CDC123: variants seen among roughly 807,000 people sequenced by gnomAD.
CDC123 encodes cell division cycle 123.
Under a neutral mutation model 54.4 loss-of-function variants are expected in CDC123, and 37 were observed. The ratio of observed to expected loss-of-function variants is 0.68; its 90% confidence interval spans 0.52 to 0.89. CDC123 has a LOEUF of 0.89. CDC123 is among the 40% of genes least tolerant of loss of function. The pLI is 0.00. For synonymous variants in CDC123, 144 were observed against 136.8 expected (o/e 1.05, Z -0.37); for missense variants, 361 against 412.1 (o/e 0.88, Z 1.07).
At position 12,238,460 on chromosome 10, in the gene CDC123, T is replaced by G; in HGVS notation, c.692T>G (p.Val231Gly). The change falls in exon 10 of 13, where the codon GTG becomes GGG. Residue 231 changes from valine (V) to glycine (G), a missense_variant. Physicochemically the swap from Val to Gly is moderately radical, Grantham distance 109. Coordinates refer to ENST00000281141, the MANE Select transcript of CDC123 (RefSeq NM_006023.3). The part of the protein sequence containing the change: ...IQYKFLDEDF[V>G]FDIYRDSRGK... ...TGACTTTTTTTCTCCTTTACAGTTG[T>G]GTTCGATATATACAGAGACAGTAGG... 1 of 1,606,564 alleles carries G rather than the reference T, an allele frequency of 6.2e-7. No individual in the cohort carries two copies. Among genetic ancestry groups the G allele is most frequent in the Non-Finnish European group, 8.5e-7 (1 of 1,177,766 alleles).
At chr10:12,203,649 A>G (rs1835474097) in intron 2 of CDC123, among the ~76,000 whole-genome samples, 1 of 152,196 alleles carries the variant, frequency 6.6e-6, no homozygotes, top group Non-Finnish European at 1.5e-5. Flanking sequence ...CATGCCTAGT[A>G]TGAGATGGGC....
chr10:12,214,368 G>A (rs1835638310), intron 4 of CDC123, among the ~76,000 whole-genome samples: 1 of 152,202 alleles, frequency 6.6e-6, no homozygotes, highest in African/African-American at 2.4e-5. Context: ...ATAAGGAAAT[G>A]CCCTCACATA....
chr10:12,223,872 T>C (rs1175409084), intron 6 of CDC123, among the ~76,000 whole-genome samples: 1 of 152,226 alleles, frequency 6.6e-6, no homozygotes, highest in African/African-American at 2.4e-5. Flanking sequence ...ATTTTTATTT[T>C]TTTATTTCAG....
At chr10:12,234,384 AT>A (rs1453230278) in intron 7 of CDC123, among the ~76,000 whole-genome samples, 3 of 152,132 alleles carry the variant, frequency 2.0e-5, no homozygotes, top group Non-Finnish European at 4.4e-5. Flanking sequence ...TGCCTGGCTC[AT>A]TTTTTTGTAC....
chr10:12,219,331 A>T (rs548904369), intron 6 of CDC123, among the ~76,000 whole-genome samples: 71 of 151,990 alleles, frequency 4.7e-4, no homozygotes, highest in Middle Eastern at 3.4e-3. Flanking sequence ...TATAGAAAAA[A>T]GTGTGTGTGT....
At chr10:12,200,119 C>CCTTTTTTTTTTTT (rs1564431631) in intron 2 of CDC123, among the ~76,000 whole-genome samples, 3 of 24,272 alleles carry the variant, frequency 1.2e-4, no homozygotes, top group African/African-American at 3.4e-4. Flanking sequence ...CCGCACTCGG[C>CCTTTTTTTTTTTT]ATTTTTTTTT....
At chr10:12,214,888 A>C (rs1337780960) in intron 4 of CDC123, among the ~76,000 whole-genome samples, 1 of 152,154 alleles carries the variant, frequency 6.6e-6, no homozygotes, top group Non-Finnish European at 1.5e-5. Flanking sequence ...ACAGGGTATA[A>C]ATGAAAATTA....
At chr10:12,239,097 G>A (rs1836019590) in intron 10 of CDC123, among the ~76,000 whole-genome samples, 1 of 152,096 alleles carries the variant, frequency 6.6e-6, no homozygotes, top group African/African-American at 2.4e-5. Context: ...CAAGGCTGCA[G>A]TGAGCCTTGA....
At chr10:12,206,837 G>T (rs890715908) in intron 2 of CDC123, among the ~76,000 whole-genome samples, 22 of 151,756 alleles carry the variant, frequency 1.4e-4, no homozygotes, top group South Asian at 8.3e-4. Flanking sequence ...CGGGCGCCTG[G>T]AGTCCCAGCT....
intron 8 of CDC123, 57 bp downstream of exon 8, chr10:12,235,180 A>C: frequency 6.9e-7 from 1 of 1,454,012 alleles, no homozygotes; most frequent in Non-Finnish European, 9.6e-7. Context: ...AAAAGAAAAC[A>C]AGCTTTTGTT....
chr10:12,226,401 C>T (rs1835815175), intron 6 of CDC123, among the ~76,000 whole-genome samples: 1 of 151,736 alleles, frequency 6.6e-6, no homozygotes, highest in Non-Finnish European at 1.5e-5. Context: ...CGGGTGGGGG[C>T]TCTCCCCCAC....
intron 10 of CDC123, among the ~76,000 whole-genome samples, chr10:12,244,371 T>C (rs1473317707): frequency 2.0e-5 from 3 of 152,226 alleles, no homozygotes; most frequent in Non-Finnish European, 2.9e-5. Context: ...AGATAAACCT[T>C]TCGAGGAAAC....
In CDC123 at chr10:12,225,511, ATTTT is replaced by A. The variant is rs778579184; in HGVS notation, c.441-5436_441-5433del. Among the ~76,000 whole-genome samples, 991 of 152,204 alleles carry A rather than the reference ATTTT, an allele frequency of 6.5e-3. 7 individuals carry two copies. Among genetic ancestry groups the A allele is most frequent in the South Asian group, 0.011 (53 of 4,824 alleles). Reference sequence around the variant, plus strand: ...AAAAATCATCTCATTCCACTCTCTCATTTTCAAACCTGTGTTCTAGAAGCTCTGA... The same window carrying A: ...AAAAATCATCTCATTCCACTCTCTCACAAACCTGTGTTCTAGAAGCTCTGA... On this transcript the variant is annotated intron_variant, in intron 6 of 12. Coordinates refer to ENST00000281141, the MANE Select transcript of CDC123 (RefSeq NM_006023.3).
Position 12,210,191 on chromosome 10 carries a change from C to T in CDC123, c.205-99C>T, listed in dbSNP as rs1045462684. 4 of 1,490,422 alleles carry T rather than the reference C, an allele frequency of 2.7e-6. No individual in the cohort carries two copies. The African/African-American group carries it at 5.6e-5, about 21-fold the overall frequency. 92.3% of individuals were successfully genotyped at this position (1,490,422 alleles called of 1,614,324 possible). A position where few individuals can be genotyped will look rare whatever the true frequency, so the allele number is the denominator to read the frequency against. On this transcript the variant is annotated intron_variant, in intron 3 of 12. Coordinates refer to ENST00000281141, the MANE Select transcript of CDC123 (RefSeq NM_006023.3). ...ATATGCTGTATTCCGGAAAAGATGT[C>T]TCCTGTTTGATTTATAATTTTTAGA...
At position 12,231,001 on chromosome 10, in the gene CDC123, G is replaced by A. The variant is rs1336976929; in HGVS notation, c.489+5G>A. ...GATCCATGTATAGAATATGAGGTAA[G>A]AAGCTTATTTTCTTTGATAATTGTA... On this transcript the variant is annotated splice_donor_5th_base_variant and intron_variant, in intron 7 of 12. Transcript: ENST00000281141. The A allele has an allele frequency of 1.9e-6, 3 of 1,600,868 alleles. No individual in the cohort carries two copies. The highest frequency in any genetic ancestry group is 2.2e-5 in the South Asian group (2 of 89,076).
At chr10:12,239,731 G>A (rs1337999907) in intron 10 of CDC123, among the ~76,000 whole-genome samples, 7 of 150,796 alleles carry the variant, frequency 4.6e-5, no homozygotes, top group Admixed American at 6.6e-5. Context: ...AAAAGGGGCC[G>A]GGCGCGGTGG....
At chr10:12,211,071 AC>A (rs1440428263) in intron 4 of CDC123, among the ~76,000 whole-genome samples, 1 of 152,198 alleles carries the variant, frequency 6.6e-6, no homozygotes, top group East Asian at 1.9e-4. Context: ...TGTGACTTTT[AC>A]CAGTGTTTTA....
intron 6 of CDC123, among the ~76,000 whole-genome samples, chr10:12,219,355 G>GTGTGTC (rs914634071): frequency 3.9e-5 from 6 of 152,228 alleles, no homozygotes; most frequent in Admixed American, 6.5e-5. Flanking sequence ...GTGTGTGTCT[G>GTGTGTC]TGTGTCTGTG....
chr10:12,242,057 G>C (rs1274975275), intron 10 of CDC123, among the ~76,000 whole-genome samples: 1 of 142,112 alleles, frequency 7.0e-6, no homozygotes, highest in East Asian at 2.0e-4. Context: ...GTTTCATCCT[G>C]TTTGGAACAG....
Sources: gnomAD v4.1 joint callset for allele counts (sites outside exome capture counted in the v4.1 genomes callset) on GRCh38, gnomAD v4.1.1 for gene constraint, MANE v1.5 for transcripts, NCBI Gene and HGNC (gene_info 2026-07-23, HGNC 2026-07-21) for gene names.